CREBRF: variants seen among roughly 807,000 people sequenced by gnomAD.
CREBRF encodes UPF0474 protein C5orf41.
CREBRF carries 5 observed loss-of-function variants against 66.1 expected under a neutral mutation model. That is an observed-to-expected ratio of 0.08 (90% CI 0.04 to 0.16). The LOEUF (loss-of-function observed/expected upper bound fraction) is 0.16. CREBRF is among the 10% of genes least tolerant of loss of function. CREBRF has a pLI of 1.00. For synonymous variants in CREBRF, 229 were observed against 264.4 expected (o/e 0.87, Z 1.30); for missense variants, 531 against 744.9 (o/e 0.71, Z 3.34).
At chr5:173,082,014 T>TTTTTTTGTTTTTTTTTTG (rs1757965837) in intron 2 of CREBRF, among the ~76,000 whole-genome samples, 5 of 113,784 alleles carry the variant, frequency 4.4e-5, no homozygotes, top group Non-Finnish European at 9.7e-5. Context: ...TTTTTTTTTT[T>TTTTTTTGTTTTTTTTTTG]TTTTTTTTTT....
chr5:173,130,597 T>G (rs1242025441), intron 8 of CREBRF, among the ~76,000 whole-genome samples: 1 of 151,984 alleles, frequency 6.6e-6, no homozygotes, highest in African/African-American at 2.4e-5. Context: ...CTATCATAGC[T>G]CACTGCAGCC....
chr5:173,124,587 A>C (rs1239034292), intron 8 of CREBRF: 1 of 151,402 alleles, frequency 6.6e-6, no homozygotes, highest in Non-Finnish European at 1.5e-5. Flanking sequence ...AAGAAAAAAG[A>C]AAAGCCAATA....
At chr5:173,118,679 T>C (rs929519595) in intron 7 of CREBRF, among the ~76,000 whole-genome samples, 9 of 152,100 alleles carry the variant, frequency 5.9e-5, no homozygotes, top group African/African-American at 9.7e-5. Flanking sequence ...CTTCTAGATA[T>C]TGTATTCTGT....
chr5:173,131,852 C>T (rs1315229355), intron 8 of CREBRF, among the ~76,000 whole-genome samples: 3 of 152,104 alleles, frequency 2.0e-5, no homozygotes, highest in African/African-American at 4.8e-5. Context: ...CCTATCTCAG[C>T]CTCCTAAGTA....
At chr5:173,091,570 A>G in intron 4 of CREBRF, 169 bp downstream of exon 4, 1 of 1,417,902 alleles carries the variant, frequency 7.1e-7, no homozygotes, top group Non-Finnish European at 9.2e-7. Context: ...AAATAGCTCT[A>G]AAATGATCAC....
chr5:173,091,485 G>A lies in CREBRF; in HGVS notation c.1222+84G>A, dbSNP rs1239813445. On this transcript the variant is annotated intron_variant, in intron 4 of 8. Coordinates refer to ENST00000296953, the MANE Select transcript of CREBRF (RefSeq NM_153607.3). ...AAGGTTTTTGTTTCTGTTTTGTTTG[G>A]ATAATTTCTTTATTTTAGTTTGGGA... 5.9e-6 allele frequency: 9 copies of A among 1,521,338 alleles called. No individual in the cohort carries two copies. In the East Asian group the frequency reaches 2.0e-4, roughly 35 times the overall value. The allele number at this position is 1,521,338 out of a possible 1,614,324, so 94.2% of individuals were successfully genotyped here.
At position 173,134,925 on chromosome 5, in the gene CREBRF, T is replaced by G. The variant is rs190395561; in HGVS notation, c.*1180T>G. On this transcript the variant is annotated 3_prime_UTR_variant, in exon 9 of 9. Transcript: ENST00000296953. ...GGTGGCCATTTAGATGTCTTTTATT[T>G]CTGCACTTATTGTAGGAAATTTTAA... 3 of 152,598 alleles carry G rather than the reference T, an allele frequency of 2.0e-5. No individual in the cohort carries two copies. Among genetic ancestry groups the G allele is most frequent in the Non-Finnish European group, 4.4e-5 (3 of 67,936 alleles). The allele number at this position is 152,598 out of a possible 1,614,324, so 9.5% of individuals were successfully genotyped here.
intron 3 of CREBRF, among the ~76,000 whole-genome samples, chr5:173,087,662 T>C (rs1758200338): frequency 6.7e-6 from 1 of 148,840 alleles, no homozygotes; most frequent in South Asian, 2.2e-4. Flanking sequence ...CCCCATAGCA[T>C]TCCAGTCTGG....
chr5:173,056,368 G>C lies in CREBRF; in HGVS notation c.-303G>C. 2 of 398,064 alleles carry C rather than the reference G, an allele frequency of 5.0e-6. No individual in the cohort carries two copies. The highest frequency in any genetic ancestry group is 8.9e-6 in the Non-Finnish European group (2 of 225,660). The allele number at this position is 398,064 out of a possible 1,614,324, so 24.7% of individuals were successfully genotyped here. A position where few individuals can be genotyped will look rare whatever the true frequency, so the allele number is the denominator to read the frequency against. The stretch of plus-strand genomic sequence containing the variant: ...GAGGGGGGCGAGTCACGCGATTTCC[G>C]GGAACCCGTCAGGAAGGACATAAAC... On this transcript the variant is annotated 5_prime_UTR_variant, in exon 1 of 9. Transcript: ENST00000296953.
At chr5:173,129,140 G>A (rs1318500969) in intron 8 of CREBRF, among the ~76,000 whole-genome samples, 21 of 93,382 alleles carry the variant, frequency 2.2e-4, no homozygotes, top group Admixed American at 1.5e-4. Flanking sequence ...TTTTTGAGAC[G>A]GAGTCTCGCT....
In CREBRF at chr5:173,134,866, T is replaced by G. The variant is rs1012313312; in HGVS notation, c.*1121T>G. On this transcript the variant is annotated 3_prime_UTR_variant, in exon 9 of 9. Coordinates refer to ENST00000296953, the MANE Select transcript of CREBRF (RefSeq NM_153607.3). ...TCCATACATACAAATATTATTTTGCTGTTCCTCTAGTTCGCTTCCATAGTA... is the reference window on the plus strand; with the variant it reads ...TCCATACATACAAATATTATTTTGCGGTTCCTCTAGTTCGCTTCCATAGTA... 1.3e-5 allele frequency: 2 copies of G among 152,552 alleles called. No homozygotes were observed. The highest frequency in any genetic ancestry group is 4.8e-5 in the African/African-American group (2 of 41,468). The allele number at this position is 152,552 out of a possible 1,614,324, so 9.4% of individuals were successfully genotyped here.
intron 6 of CREBRF, 76 bp downstream of exon 6, chr5:173,110,787 A>C (rs1220268425): frequency 2.1e-6 from 2 of 973,220 alleles, no homozygotes; most frequent in African/African-American, 3.3e-5. Context: ...TTTTTATAGA[A>C]GGACAACAAA....
intron 7 of CREBRF, among the ~76,000 whole-genome samples, chr5:173,113,951 T>C (rs1175484038): frequency 6.6e-6 from 1 of 152,200 alleles, no homozygotes; most frequent in African/African-American, 2.4e-5. Flanking sequence ...TCCTCTTCGA[T>C]GTGTAGTTCT....
At position 173,136,087 on chromosome 5, in the gene CREBRF, A is replaced by C. The variant is rs773249356; in HGVS notation, c.*2342A>C. ...TGTTTCAAACTATGGCAGTTTTGCA[A>C]TCAGGTGAAAATCACCTCATGATAT... is the stretch of plus-strand genomic sequence containing the variant. On this transcript the variant is annotated 3_prime_UTR_variant, in exon 9 of 9. Transcript: ENST00000296953. 1.3e-5 allele frequency: 2 copies of C among 152,542 alleles called. No individual in the cohort carries two copies. The highest frequency in any genetic ancestry group is 2.9e-5 in the Non-Finnish European group (2 of 67,956). 9.4% of individuals were successfully genotyped at this position (152,542 alleles called of 1,614,324 possible). A position where few individuals can be genotyped will look rare whatever the true frequency, so the allele number is the denominator to read the frequency against.
At chr5:173,064,788 T>TC (rs1757385472) in intron 1 of CREBRF, among the ~76,000 whole-genome samples, 1 of 152,096 alleles carries the variant, frequency 6.6e-6, no homozygotes, top group South Asian at 2.1e-4. Flanking sequence ...GGTCTTGAAC[T>TC]CCCCACCCCA....
intron 8 of CREBRF, chr5:173,123,479 G>T (rs749274487): frequency 1.6e-4 from 50 of 306,258 alleles, no homozygotes; most frequent in Admixed American, 6.1e-4. Flanking sequence ...AGGACAAAAG[G>T]TCCCAGAGCT....
chr5:173,107,465 C>T (rs1017966315), intron 4 of CREBRF, among the ~76,000 whole-genome samples: 1 of 152,180 alleles, frequency 6.6e-6, no homozygotes, highest in Non-Finnish European at 1.5e-5. Context: ...TTTTCTGAAA[C>T]TTCCTATTAG....
chr5:173,133,775 G>A lies in CREBRF; in HGVS notation c.*30G>A, dbSNP rs774929377. ...CCTCATTGGACCACTGGTCAGAAAT[G>A]TCTGCGTTTTGTCACGTTATCCATT... On this transcript the variant is annotated 3_prime_UTR_variant, in exon 9 of 9. Transcript: ENST00000296953. 5.7e-6 allele frequency: 7 copies of A among 1,221,342 alleles called. No homozygotes were observed. Among genetic ancestry groups the A allele is most frequent in the South Asian group, 5.1e-5 (4 of 77,886 alleles). The allele number at this position is 1,221,342 out of a possible 1,614,324, so 75.7% of individuals were successfully genotyped here. A position where few individuals can be genotyped will look rare whatever the true frequency, so the allele number is the denominator to read the frequency against.
chr5:173,079,050 A>G (rs1326043618), intron 1 of CREBRF, among the ~76,000 whole-genome samples: 1 of 152,156 alleles, frequency 6.6e-6, no homozygotes, highest in Non-Finnish European at 1.5e-5. Flanking sequence ...ACTACATACC[A>G]GTTGTAGGAC....
Sources: gnomAD v4.1 joint callset for allele counts (sites outside exome capture counted in the v4.1 genomes callset) on GRCh38, gnomAD v4.1.1 for gene constraint, MANE v1.5 for transcripts, NCBI Gene and HGNC (gene_info 2026-07-23, HGNC 2026-07-21) for gene names.